Variants in VIT observed in about 807,000 individuals in gnomAD.
VIT encodes vitrin.
Under a neutral mutation model 78.0 loss-of-function variants are expected in VIT, and 99 were observed. The observed-to-expected ratio is 1.27, with a 90% confidence interval of 1.08 to 1.50. The LOEUF (loss-of-function observed/expected upper bound fraction) is 1.50, where lower values mean the gene tolerates loss of function less well. Among genes scored for constraint, VIT ranks in the 40% most tolerant of loss-of-function variants. VIT has a pLI of 0.00. For missense variants in VIT, 1,126 were observed against 875.3 expected (o/e 1.29, Z -3.61); for synonymous variants, 374 against 334.3 (o/e 1.12, Z -1.29).
At chr2:36,799,787 C>T (rs1186927111) in intron 12 of VIT, among the ~76,000 whole-genome samples, 3 of 151,922 alleles carry the variant, frequency 2.0e-5, no homozygotes, top group African/African-American at 7.3e-5. Flanking sequence ...GTGGCTCATG[C>T]CTGTAATTCC....
intron 3 of VIT, among the ~76,000 whole-genome samples, chr2:36,733,012 G>C (rs889191784): frequency 6.6e-6 from 1 of 152,136 alleles, no homozygotes; most frequent in African/African-American, 2.4e-5. Context: ...ATGTGTAGAG[G>C]AAAAAGATGA....
chr2:36,805,339 A>C, intron 13 of VIT, 99 bp from the exon 14 acceptor site: 5 of 1,065,924 alleles, frequency 4.7e-6, no homozygotes, highest in Non-Finnish European at 6.5e-6. Context: ...TAGGGAGGGA[A>C]TGAGTGTATT....
intron 7 of VIT, among the ~76,000 whole-genome samples, chr2:36,769,273 C>T (rs1287383244): frequency 6.6e-6 from 1 of 152,216 alleles, no homozygotes. Flanking sequence ...TATAATTAAA[C>T]ATGTGGCATA....
chr2:36,743,298 G>T, intron 4 of VIT, 42 bp downstream of exon 4: 1 of 1,505,286 alleles, frequency 6.6e-7, no homozygotes, highest in Non-Finnish European at 9.0e-7. Flanking sequence ...TAGAAATCAG[G>T]GTGTTGGCAG....
At chr2:36,810,168 G>A (rs1434283358) in intron 15 of VIT, among the ~76,000 whole-genome samples, 1 of 152,000 alleles carries the variant, frequency 6.6e-6, no homozygotes, top group Non-Finnish European at 1.5e-5. Flanking sequence ...GCACACGCCT[G>A]TAATCCCAGC....
intron 14 of VIT, among the ~76,000 whole-genome samples, chr2:36,807,491 C>T (rs149987344): frequency 5.3e-4 from 80 of 152,318 alleles, no homozygotes; most frequent in African/African-American, 1.7e-3. Context: ...ATGAGCTCCA[C>T]GGAAAGTTTT....
intron 6 of VIT, among the ~76,000 whole-genome samples, chr2:36,764,354 A>G (rs527900320): frequency 2.0e-5 from 3 of 152,384 alleles, no homozygotes; most frequent in South Asian, 4.1e-4. Flanking sequence ...CCGGGCCTGC[A>G]TCTCCGTAAG....
At chr2:36,805,788 G>A (rs906125498) in intron 14 of VIT, 124 bp downstream of exon 14, 16 of 1,064,598 alleles carry the variant, frequency 1.5e-5, no homozygotes, top group Admixed American at 2.7e-5. Flanking sequence ...AGGCAGTAAG[G>A]CCTCCAGGGA....
chr2:36,743,147 C>T lies in VIT; in HGVS notation c.166C>T (p.Pro56Ser). ...CDVKAGKIID[P>S]EFIVKCPAGC... ...TGTCAAAGCCGGAAAGATCATCGAT[C>T]CTGAGTTCATTGTGAAATGTCCAGC... The change falls in exon 4 of 16, where the codon CCT becomes TCT. Residue 56 changes from proline (P) to serine (S), a missense_variant. Physicochemically the swap from Pro to Ser is moderately conservative, Grantham distance 74. Coordinates refer to ENST00000379242, the MANE Select transcript of VIT (RefSeq NM_053276.4). 20 of 1,614,074 alleles carry T rather than the reference C, an allele frequency of 1.2e-5. No homozygotes were observed. Among genetic ancestry groups the T allele is most frequent in the Non-Finnish European group, 1.7e-5 (20 of 1,179,970 alleles).
At chr2:36,799,330 T>A (rs778815652) in intron 12 of VIT, among the ~76,000 whole-genome samples, 1 of 152,194 alleles carries the variant, frequency 6.6e-6, no homozygotes, top group African/African-American at 2.4e-5. Flanking sequence ...AATCAACCCA[T>A]GGTCAGCATC....
chr2:36,783,466 T>C (rs961200693), intron 11 of VIT, 64 bp downstream of exon 11: 1 of 1,455,530 alleles, frequency 6.9e-7, no homozygotes, highest in Admixed American at 1.8e-5. Flanking sequence ...TCTCCTCTCT[T>C]CCCACTCACT....
intron 13 of VIT, among the ~76,000 whole-genome samples, chr2:36,802,039 G>T (rs1221982145): frequency 6.6e-6 from 1 of 152,168 alleles, no homozygotes; most frequent in Non-Finnish European, 1.5e-5. Context: ...TGAGAATCTT[G>T]TTCCAATCAA....
chr2:36,806,900 C>T (rs1666771793), intron 14 of VIT, among the ~76,000 whole-genome samples: 1 of 152,096 alleles, frequency 6.6e-6, no homozygotes, highest in Non-Finnish European at 1.5e-5. Flanking sequence ...CATCCATTTT[C>T]AGCTGACTGA....
At chr2:36,726,454 A>G (rs1486572726) in intron 2 of VIT, among the ~76,000 whole-genome samples, 1 of 152,248 alleles carries the variant, frequency 6.6e-6, no homozygotes, top group Non-Finnish European at 1.5e-5. Context: ...GTATTCATCC[A>G]CATTTGTGTT....
At chr2:36,710,777 T>A (rs1238167757) in intron 1 of VIT, among the ~76,000 whole-genome samples, 1 of 152,238 alleles carries the variant, frequency 6.6e-6, no homozygotes, top group Non-Finnish European at 1.5e-5. Context: ...ATTGTATGGA[T>A]AAACCACAAT....
chr2:36,759,748 C>A, intron 6 of VIT: 1 of 853,174 alleles, frequency 1.2e-6, no homozygotes, highest in Non-Finnish European at 1.4e-6. Flanking sequence ...AGTTCAGGTT[C>A]TGTTCATGTA....
chr2:36,700,739 TAAA>T (rs1455414558), intron 1 of VIT, among the ~76,000 whole-genome samples: 1 of 109,162 alleles, frequency 9.2e-6, no homozygotes, highest in Non-Finnish European at 2.0e-5. Context: ...CTATCTCAAT[TAAA>T]TAATAATAAT....
Position 36,783,337 on chromosome 2 carries a change from C to T in VIT, c.848-3C>T. On this transcript the variant is annotated splice_region_variant and splice_polypyrimidine_tract_variant and intron_variant, in intron 10 of 15. Coordinates refer to ENST00000379242, the MANE Select transcript of VIT (RefSeq NM_053276.4). ...TCACCAAAAGTTTTACTGCTCTTTC[C>T]AGGACTTGTTCCAAAAGAAGAATTG... The T allele has an allele frequency of 8.1e-6, 13 of 1,614,108 alleles. No individual in the cohort carries two copies. Among genetic ancestry groups the T allele is most frequent in the Non-Finnish European group, 1.1e-5 (13 of 1,179,994 alleles).
chr2:36,803,273 C>G (rs895279533), intron 13 of VIT, among the ~76,000 whole-genome samples: 1 of 152,238 alleles, frequency 6.6e-6, no homozygotes, highest in Non-Finnish European at 1.5e-5. Flanking sequence ...GCCTCTGCCT[C>G]ACTTTTATCT....
Sources: allele counts gnomAD v4.1 joint callset (sites outside exome capture counted in the v4.1 genomes callset), GRCh38; gene constraint gnomAD v4.1.1; transcripts MANE v1.5; gene names NCBI Gene and HGNC (gene_info 2026-07-23, HGNC 2026-07-21).